LDB2: variants seen among roughly 807,000 people sequenced by gnomAD.
The protein encoded by LDB2 is LIM domain-binding protein 2.
In LDB2, 12 loss-of-function variants were observed where a neutral mutation model predicts 44.3. The observed-to-expected ratio is 0.27, with a 90% CI of 0.17 to 0.44. The LOEUF (loss-of-function observed/expected upper bound fraction) is 0.44, where lower values mean the gene tolerates loss of function less well. Ranked by LOEUF, LDB2 falls within the 20% of genes least tolerant of loss-of-function variation. The pLI is 1.00. For synonymous variants in LDB2, 164 were observed against 174.8 expected, an observed-to-expected ratio of 0.94 and a Z score of 0.49; for missense variants, 344 against 473.5, an observed-to-expected ratio of 0.73 and a Z score of 2.54.
chr4:16,686,697 G>T lies in LDB2; in HGVS notation c.235+72461C>A, dbSNP rs1233502940. 4.6e-5 allele frequency among the ~76,000 whole-genome samples: 7 copies of T among 152,290 alleles called. 2 individuals are homozygous for T. In the South Asian group the frequency reaches 8.3e-4, roughly 18 times the overall value. On this transcript the variant is annotated intron_variant, in intron 2 of 7. Transcript: ENST00000304523. ...GTTCTTGACATGGTTACAGAGCCTA[G>T]GATACTGCAGGTGAATTCCACCTGG...
chr4:16,528,052 T>A (rs1453222080), intron 5 of LDB2, among the ~76,000 whole-genome samples: 1 of 152,234 alleles, frequency 6.6e-6, no homozygotes, highest in Admixed American at 6.5e-5. Flanking sequence ...GTTAATGGCA[T>A]TAGCAACAAC....
At chr4:16,632,816 G>T (rs1254194268) in intron 2 of LDB2, among the ~76,000 whole-genome samples, 1 of 152,134 alleles carries the variant, frequency 6.6e-6, no homozygotes, top group Non-Finnish European at 1.5e-5. Context: ...TGGAGAAATA[G>T]GAACACTTTT....
intron 1 of LDB2, among the ~76,000 whole-genome samples, chr4:16,880,920 A>AG (rs1719898499): frequency 6.6e-6 from 1 of 151,470 alleles, no homozygotes; most frequent in Non-Finnish European, 1.5e-5. Flanking sequence ...AAAAAAAAAA[A>AG]AAGCACACAC....
intron 5 of LDB2, among the ~76,000 whole-genome samples, chr4:16,515,011 A>G (rs1453800640): frequency 6.6e-6 from 1 of 152,194 alleles, no homozygotes; most frequent in Non-Finnish European, 1.5e-5. Context: ...TACCACTCAC[A>G]ATAGCGAAGA....
At chr4:16,842,487 T>C (rs1195632378) in intron 1 of LDB2, among the ~76,000 whole-genome samples, 1 of 152,228 alleles carries the variant, frequency 6.6e-6, no homozygotes, top group Non-Finnish European at 1.5e-5. Flanking sequence ...CTAATTTACC[T>C]GTGAATACTT....
At chr4:16,563,336 A>C (rs1419740223) in intron 5 of LDB2, among the ~76,000 whole-genome samples, 1 of 148,196 alleles carries the variant, frequency 6.7e-6, no homozygotes, top group Non-Finnish European at 1.5e-5. Context: ...AAAAACCTCC[A>C]TGTCATGTTT....
intron 2 of LDB2, among the ~76,000 whole-genome samples, chr4:16,648,381 G>T (rs1272924851): frequency 6.6e-6 from 1 of 152,198 alleles, no homozygotes; most frequent in Non-Finnish European, 1.5e-5. Flanking sequence ...CAGACTTTCT[G>T]GGGAAAGAAC....
In LDB2 at chr4:16,513,799, G is replaced by A. The variant is rs1014303634; in HGVS notation, c.616-1695C>T. On this transcript the variant is annotated intron_variant, in intron 5 of 7. Coordinates refer to ENST00000304523, the MANE Select transcript of LDB2 (RefSeq NM_001290.5). ...TGCCCTACTCTGCCATCCCTCATTCGCCCCCACAGCAAGCCATAGAAACTA... is the reference window on the plus strand; with the variant it reads ...TGCCCTACTCTGCCATCCCTCATTCACCCCCACAGCAAGCCATAGAAACTA... Among the ~76,000 whole-genome samples, 9 of 152,098 alleles carry A rather than the reference G, an allele frequency of 5.9e-5. No individual in the cohort carries two copies. The South Asian group carries it at 6.2e-4, about 11-fold the overall frequency.
At chr4:16,637,888 A>G (rs1348952211) in intron 2 of LDB2, among the ~76,000 whole-genome samples, 1 of 152,186 alleles carries the variant, frequency 6.6e-6, no homozygotes, top group Non-Finnish European at 1.5e-5. Flanking sequence ...GAGAGGGGGC[A>G]CAGGGTACTG....
chr4:16,821,412 C>T (rs923798713), intron 1 of LDB2, among the ~76,000 whole-genome samples: 2 of 144,976 alleles, frequency 1.4e-5, no homozygotes, highest in Middle Eastern at 3.4e-3. Context: ...GAGACGGAGT[C>T]TCGCTCTGTC....
intron 2 of LDB2, among the ~76,000 whole-genome samples, chr4:16,722,659 C>G (rs1198993667): frequency 1.3e-5 from 2 of 152,110 alleles, no homozygotes; most frequent in African/African-American, 4.8e-5. Flanking sequence ...CTGTCTTTAT[C>G]CAATCTTTCT....
chr4:16,712,046 GA>G (rs1755995040), intron 2 of LDB2, among the ~76,000 whole-genome samples: 1 of 151,908 alleles, frequency 6.6e-6, no homozygotes, highest in Admixed American at 6.6e-5. Flanking sequence ...GTCCATAAAA[GA>G]AAAAAATTAA....
chr4:16,515,094 A>G (rs1205541946), intron 5 of LDB2, among the ~76,000 whole-genome samples: 1 of 152,206 alleles, frequency 6.6e-6, no homozygotes, highest in African/African-American at 2.4e-5. Context: ...ACCATAGAAT[A>G]CTACACAGCC....
At chr4:16,878,408 G>T (rs941700469) in intron 1 of LDB2, among the ~76,000 whole-genome samples, 1 of 152,210 alleles carries the variant, frequency 6.6e-6, no homozygotes, top group Middle Eastern at 3.4e-3. Context: ...CACCTTCCAC[G>T]GCTAATCCAT....
Position 16,895,597 on chromosome 4 carries a change from A to G in LDB2, c.132+2757T>C, listed in dbSNP as rs115339345. On this transcript the variant is annotated intron_variant, in intron 1 of 7. Transcript: ENST00000304523. Reference sequence around the variant, plus strand: ...TTAGGACTTAATGAAATAATACTATATACTATAGGAGTGGGACCAGAAGAG... The same window carrying G: ...TTAGGACTTAATGAAATAATACTATGTACTATAGGAGTGGGACCAGAAGAG... Among the ~76,000 whole-genome samples, 914 of 152,186 alleles carry G rather than the reference A, an allele frequency of 6.0e-3. 11 individuals carry two copies. The highest frequency in any genetic ancestry group is 0.02 in the African/African-American group (842 of 41,526).
At chr4:16,571,460 A>C (rs1305083937) in intron 5 of LDB2, among the ~76,000 whole-genome samples, 1 of 151,984 alleles carries the variant, frequency 6.6e-6, no homozygotes, top group East Asian at 1.9e-4. Flanking sequence ...CGGCAAAAAA[A>C]AAAAAGCCTG....
intron 2 of LDB2, among the ~76,000 whole-genome samples, chr4:16,642,090 T>C (rs981373135): frequency 2.6e-5 from 4 of 151,828 alleles, no homozygotes; most frequent in Non-Finnish European, 5.9e-5. Context: ...AATTCTGAAG[T>C]GGAAAGGAGA....
At chr4:16,726,612 T>C (rs1018313427) in intron 2 of LDB2, 8 of 152,164 alleles carry the variant, frequency 5.3e-5, no homozygotes, top group African/African-American at 1.9e-4. Flanking sequence ...TTAAGTAAAA[T>C]GCTGACAACG....
intron 1 of LDB2, among the ~76,000 whole-genome samples, chr4:16,811,554 A>T (rs1250338254): frequency 6.6e-6 from 1 of 152,240 alleles, no homozygotes; most frequent in African/African-American, 2.4e-5. Context: ...TTCTACAATG[A>T]TCATTTAATC....
Sources: allele counts gnomAD v4.1 joint callset (sites outside exome capture counted in the v4.1 genomes callset), GRCh38; gene constraint gnomAD v4.1.1; transcripts MANE v1.5; gene names NCBI Gene and HGNC (gene_info 2026-07-23, HGNC 2026-07-21).